WDR25: variants seen among roughly 807,000 people sequenced by gnomAD.
WDR25 encodes the protein WD repeat domain 25, also known as WD repeat-containing protein 25.
WDR25 carries 35 observed loss-of-function variants against 47.7 expected under a neutral mutation model. That is an observed-to-expected ratio of 0.73 (90% CI 0.56 to 0.97). The LOEUF is 0.97. Among genes scored for constraint, WDR25 ranks in the 50% least tolerant of loss-of-function variants. The probability of loss-of-function intolerance (pLI) is 0.00; values close to 1 mark genes in which losing one functional copy is unlikely to be tolerated. For missense variants in WDR25, 634 were observed against 704.7 expected (o/e 0.90, Z 1.14); for synonymous variants, 248 against 278.9 (o/e 0.89, Z 1.10).
chr14:100,497,875 C>T (rs1325531963), intron 4 of WDR25, among the ~76,000 whole-genome samples: 5 of 152,114 alleles, frequency 3.3e-5, no homozygotes, highest in Admixed American at 3.3e-4. Flanking sequence ...GGGTTGTAGC[C>T]CCTGGTTGTC....
intron 2 of WDR25, among the ~76,000 whole-genome samples, chr14:100,422,778 T>G (rs1333578236): frequency 2.0e-5 from 3 of 152,236 alleles, no homozygotes; most frequent in Non-Finnish European, 4.4e-5. Flanking sequence ...AAATAGGATC[T>G]TATTGTTTTA....
At chr14:100,416,133 G>A (rs1897861833) in intron 2 of WDR25, among the ~76,000 whole-genome samples, 1 of 152,230 alleles carries the variant, frequency 6.6e-6, no homozygotes, top group Non-Finnish European at 1.5e-5. Flanking sequence ...CCACTGAGTT[G>A]TGACTTCTCT....
intron 2 of WDR25, among the ~76,000 whole-genome samples, chr14:100,385,477 T>C (rs1896998193): frequency 6.6e-6 from 1 of 152,150 alleles, no homozygotes; most frequent in Non-Finnish European, 1.5e-5. Flanking sequence ...GAACATGGAG[T>C]GCCAGTTCCT....
chr14:100,413,804 A>G (rs182949113), intron 2 of WDR25, among the ~76,000 whole-genome samples: 12 of 152,362 alleles, frequency 7.9e-5, no homozygotes, highest in Admixed American at 5.2e-4. Flanking sequence ...AAATGGAATC[A>G]TGCAGGGCGT....
At position 100,523,912 on chromosome 14, in the gene WDR25, T is replaced by C. The variant is rs1177843715; in HGVS notation, c.1102-1958T>C. Among the ~76,000 whole-genome samples the C allele has an allele frequency of 6.6e-6, 1 of 152,084 alleles. No individual in the cohort carries two copies. Among genetic ancestry groups the C allele is most frequent in the Non-Finnish European group, 1.5e-5 (1 of 67,994 alleles). On this transcript the variant is annotated intron_variant, in intron 4 of 6. Coordinates refer to ENST00000402312, the MANE Select transcript of WDR25 (RefSeq NM_001161476.3). This position sits in a 1 kb window ranked among gnomAD's most constrained non-coding sequence, Gnocchi z 4.7. ...TAAGGTTGCCATAAAACCCACCAGC[T>C]AGACACACAAATGGCTCCTTTGCTC...
chr14:100,478,023 CAG>C (rs1159031173), intron 3 of WDR25, among the ~76,000 whole-genome samples: 1 of 152,052 alleles, frequency 6.6e-6, no homozygotes, highest in African/African-American at 2.4e-5. Flanking sequence ...ATCTGGGAGA[CAG>C]AGCTTGCAGT....
chr14:100,479,972 C>G (rs1187852274), intron 3 of WDR25, among the ~76,000 whole-genome samples: 1 of 152,168 alleles, frequency 6.6e-6, no homozygotes, highest in Non-Finnish European at 1.5e-5. Flanking sequence ...CGAAAGCACC[C>G]CCATCGCAAC....
intron 3 of WDR25, among the ~76,000 whole-genome samples, chr14:100,479,601 A>C (rs1422321683): frequency 1.3e-5 from 2 of 152,226 alleles, no homozygotes; most frequent in South Asian, 4.1e-4. Context: ...TTAGAAAAAC[A>C]GTATTACAAC....
At chr14:100,422,649 C>G (rs552224159) in intron 2 of WDR25, among the ~76,000 whole-genome samples, 1 of 152,352 alleles carries the variant, frequency 6.6e-6, no homozygotes, top group African/African-American at 2.4e-5. Context: ...TTGCCAGCTT[C>G]CCCTCCTGAG....
At chr14:100,494,562 T>C (rs1237943735) in intron 4 of WDR25, among the ~76,000 whole-genome samples, 1 of 151,902 alleles carries the variant, frequency 6.6e-6, no homozygotes. Context: ...TGTGGTGTAG[T>C]GTCAGGGTGG....
At chr14:100,412,462 T>C (rs1189848467) in intron 2 of WDR25, among the ~76,000 whole-genome samples, 1 of 152,160 alleles carries the variant, frequency 6.6e-6, no homozygotes, top group Non-Finnish European at 1.5e-5. Context: ...GAGGTGCATT[T>C]AGTTGCTTCA....
At chr14:100,501,001 A>G (rs566168866) in intron 4 of WDR25, among the ~76,000 whole-genome samples, 2 of 152,318 alleles carry the variant, frequency 1.3e-5, no homozygotes, top group African/African-American at 2.4e-5. Flanking sequence ...TTTAGATTCA[A>G]TTAGATTCAA....
Position 100,468,531 on chromosome 14 carries a change from T to C in WDR25, c.970+363T>C, listed in dbSNP as rs1160194913. Among the ~76,000 whole-genome samples the C allele has an allele frequency of 6.6e-6, 1 of 152,222 alleles. No individual in the cohort carries two copies. Among genetic ancestry groups the C allele is most frequent in the Non-Finnish European group, 1.5e-5 (1 of 68,044 alleles). On this transcript the variant is annotated intron_variant, in intron 3 of 6. Coordinates refer to ENST00000402312, the MANE Select transcript of WDR25 (RefSeq NM_001161476.3). This position sits in a 1 kb window ranked among gnomAD's most constrained non-coding sequence, Gnocchi z 4.5. ...GGTTGGAATCAGGTTAGAATTCCTG[T>C]CAATTCATTATCGTTGAAAGTCTGT...
rs146135080 is a variant in WDR25 at position 100,390,549 on chromosome 14, C to G, written c.822+8803C>G. 1.8e-3 allele frequency among the ~76,000 whole-genome samples: 269 copies of G among 152,258 alleles called. 2 individuals are homozygous for G. The highest frequency in any genetic ancestry group is 6.2e-3 in the African/African-American group (256 of 41,544). On this transcript the variant is annotated intron_variant, in intron 2 of 6. Transcript: ENST00000402312. ...CACTTGTGATTATTTTTATGTATTT[C>G]CTTGAGCCTGGTCAGCTTCTCAGGG...
intron 4 of WDR25, among the ~76,000 whole-genome samples, chr14:100,484,822 C>T (rs1900328824): frequency 6.6e-6 from 1 of 152,196 alleles, no homozygotes; most frequent in Non-Finnish European, 1.5e-5. Context: ...GCTATTGTCT[C>T]TCGCTGGGAT....
At chr14:100,387,527 C>T (rs554891445) in intron 2 of WDR25, among the ~76,000 whole-genome samples, 8 of 152,308 alleles carry the variant, frequency 5.3e-5, no homozygotes, top group Admixed American at 2.6e-4. Context: ...GGATGGAGAG[C>T]GCTAGCCATT....
intron 2 of WDR25, among the ~76,000 whole-genome samples, chr14:100,441,425 C>T (rs751540840): frequency 1.5e-4 from 23 of 152,154 alleles, no homozygotes; most frequent in Non-Finnish European, 3.2e-4. Context: ...TTGCGTCTTA[C>T]AGGAAGGGAG....
intron 2 of WDR25, among the ~76,000 whole-genome samples, chr14:100,454,188 T>G (rs1180732806): frequency 6.6e-6 from 1 of 152,184 alleles, no homozygotes; most frequent in Middle Eastern, 3.2e-3. Context: ...CTACAAACCC[T>G]GAAGTGTTCC....
rs1031243558 is a variant in WDR25, at chr14:100,440,194, A to G, written c.823-27827A>G. 1.3e-5 allele frequency among the ~76,000 whole-genome samples: 2 copies of G among 152,114 alleles called. No homozygotes were observed. The highest frequency in any genetic ancestry group is 1.9e-4 in the East Asian group (1 of 5,190). ...GCAGCGTTTTCCTTTTTCAATTTCA[A>G]CCTGACTCCATTCCTCTCTTTATGT... On this transcript the variant is annotated intron_variant, in intron 2 of 6. Transcript: ENST00000402312. This position sits in a 1 kb window ranked among gnomAD's most constrained non-coding sequence, Gnocchi z 4.4.
Sources: gnomAD v4.1 joint callset for allele counts (sites outside exome capture counted in the v4.1 genomes callset) on GRCh38, gnomAD v4.1.1 for gene constraint, Gnocchi (gnomAD v3.1) non-coding constraint, MANE v1.5 for transcripts, NCBI Gene and HGNC (gene_info 2026-07-23, HGNC 2026-07-21) for gene names.